Variants in MBD4 observed in about 807,000 individuals in gnomAD.
The protein encoded by MBD4 is methyl-CpG-binding domain protein 4.
Under a neutral mutation model 60.2 loss-of-function variants are expected in MBD4, and 53 were observed. That is an observed-to-expected ratio of 0.88 (90% CI 0.71 to 1.11). MBD4 has a LOEUF of 1.11. Ranked by LOEUF, MBD4 falls within the 50% of genes least tolerant of loss-of-function variation. The pLI is 0.00. For missense variants in MBD4, 619 were observed against 674.0 expected (o/e 0.92, Z 0.90); for synonymous variants, 231 against 229.8 (o/e 1.01, Z -0.05).
intron 3 of MBD4, among the ~76,000 whole-genome samples, chr3:129,434,509 T>C (rs2072420534): frequency 6.6e-6 from 1 of 152,244 alleles, no homozygotes; most frequent in Non-Finnish European, 1.5e-5. Flanking sequence ...AAAGGCAGTA[T>C]GGAATATTTT....
intron 1 of MBD4, 141 bp downstream of exon 1, chr3:129,439,589 A>C (rs2072672876): frequency 1.4e-6 from 1 of 711,018 alleles, no homozygotes; most frequent in Non-Finnish European, 2.6e-6. Flanking sequence ...CCTGGGCTCC[A>C]GACCCTAGTA....
At chr3:129,439,426 C>A (rs3138336) in intron 1 of MBD4, among the ~76,000 whole-genome samples, 1 of 152,128 alleles carries the variant, frequency 6.6e-6, no homozygotes, top group African/African-American at 2.4e-5. Context: ...TAAATCTTAA[C>A]CTCCTATCAC....
At chr3:129,433,738 G>C in intron 5 of MBD4, 112 bp downstream of exon 5, 1 of 1,254,110 alleles carries the variant, frequency 8.0e-7, no homozygotes, top group Admixed American at 1.7e-5. Flanking sequence ...AAGGGGGAAT[G>C]CCCTATCCCA....
intron 2 of MBD4, 73 bp from the exon 3 acceptor site, chr3:129,437,381 C>A: frequency 8.3e-7 from 1 of 1,210,502 alleles, no homozygotes; most frequent in Non-Finnish European, 1.2e-6. Context: ...GACCACATTT[C>A]AGATTTCTAA....
Position 129,433,224 on chromosome 3 carries a change from A to G in MBD4, c.1417T>C (p.Trp473Arg). 6.2e-7 allele frequency: 1 copy of G among 1,614,240 alleles called. No homozygotes were observed. Among genetic ancestry groups the G allele is most frequent in the Non-Finnish European group, 8.5e-7 (1 of 1,180,022 alleles). The change falls in exon 6 of 8, where the codon TGG (tryptophan) becomes CGG (arginine). Residue 473 changes from tryptophan to arginine, a missense_variant. Physicochemically the swap from Trp to Arg is moderately radical, Grantham distance 101 (BLOSUM62 -3). Coordinates refer to ENST00000429544, the MANE Select transcript of MBD4 (RefSeq NM_001276270.2). ...GAAGGATACTTCTCCAGAAACTTCC[A>G]AAGCACAGGTATTGCCATTTTGCCT... ...TSGKMAIPVL[W>R]KFLEKYPSAE...
intron 3 of MBD4, among the ~76,000 whole-genome samples, chr3:129,435,848 G>A (rs916893023): frequency 6.6e-6 from 1 of 152,086 alleles, no homozygotes; most frequent in Non-Finnish European, 1.5e-5. Context: ...TGTATTAAGA[G>A]CATATTACAA....
chr3:129,433,365 CA>C (rs933779691), intron 5 of MBD4, 118 bp from the exon 6 acceptor site: 1 of 1,084,672 alleles, frequency 9.2e-7, no homozygotes. Flanking sequence ...AAACAAAAAA[CA>C]AAAAAACACT....
chr3:129,432,949 T>C (rs1415647385), intron 6 of MBD4, 149 bp downstream of exon 6: 1 of 1,007,068 alleles, frequency 9.9e-7, no homozygotes, highest in Admixed American at 2.1e-5. Flanking sequence ...GACTGTGGTT[T>C]GGGGAAAGTG....
At chr3:129,436,007 G>A (rs1459981740) in intron 3 of MBD4, among the ~76,000 whole-genome samples, 4 of 152,156 alleles carry the variant, frequency 2.6e-5, no homozygotes, top group African/African-American at 7.2e-5. Context: ...GTATCAGGAG[G>A]GGTGTGAAGA....
Position 129,436,603 on chromosome 3 carries a change from C to T in MBD4, c.1041G>A (p.Lys347=). The T allele has an allele frequency of 1.2e-6, 2 of 1,614,136 alleles. No homozygotes were observed. The highest frequency in any genetic ancestry group is 1.7e-5 in the Admixed American group (1 of 60,014). Residue 347 remains lysine (K), a synonymous_variant, in exon 3 of 8, where the codon AAG becomes AAA. Transcript: ENST00000429544. ...CSAKDSEHNE[K]YEDTFLESEE... ...CAGATTCTAAAAAGGTATCCTCATACTTCTCGTTGTGTTCTGAGTCTTTGG... is the reference window on the plus strand; with the variant it reads ...CAGATTCTAAAAAGGTATCCTCATATTTCTCGTTGTGTTCTGAGTCTTTGG...
intron 7 of MBD4, chr3:129,432,217 C>A: frequency 7.0e-7 from 1 of 1,422,920 alleles, no homozygotes; most frequent in East Asian, 2.6e-5. Flanking sequence ...CCACGTCAGG[C>A]TTAGAGATAG....
chr3:129,434,448 TGACACTA>T (rs1257465704), intron 3 of MBD4, among the ~76,000 whole-genome samples: 1 of 152,224 alleles, frequency 6.6e-6, no homozygotes, highest in African/African-American at 2.4e-5. Flanking sequence ...AACCACTCTG[TGACACTA>T]GTTCTTTATG....
chr3:129,433,547 A>G lies in MBD4; in HGVS notation c.1394-300T>C, dbSNP rs895184875. ...TAGAAGCATATAGAACACAAGGTACATTCAGTGAAAAAGATACTTTTAAAC... is the reference window on the plus strand; with the variant it reads ...TAGAAGCATATAGAACACAAGGTACGTTCAGTGAAAAAGATACTTTTAAAC... On this transcript the variant is annotated intron_variant, in intron 5 of 7. Transcript: ENST00000429544. 3.1e-5 allele frequency: 18 copies of G among 579,252 alleles called. No homozygotes were observed. The East Asian group carries it at 5.0e-4, about 16-fold the overall frequency. 35.9% of individuals were successfully genotyped at this position (579,252 alleles called of 1,614,324 possible).
At chr3:129,436,315 A>C in intron 3 of MBD4, 146 bp downstream of exon 3, 25 of 834,306 alleles carry the variant, frequency 3.0e-5, no homozygotes, top group Middle Eastern at 2.8e-4. Flanking sequence ...ATCAACTGGT[A>C]TCTCATATTT....
At position 129,437,879 on chromosome 3, in the gene MBD4, C is replaced by T; in HGVS notation, c.176G>A (p.Ser59Asn). ...TTCTTGTAGCAAGGGATTACATTCACTGCTTCTTTTTATCATCATTTGTTC... is the reference window on the plus strand; with the variant it reads ...TTCTTGTAGCAAGGGATTACATTCATTGCTTCTTTTTATCATCATTTGTTC... ...DEEQMMIKRS[S>N]ECNPLLQEPI... is the part of the protein sequence containing the mutation. Residue 59 changes from serine (S) to asparagine (N), a missense_variant, in exon 2 of 8, where the codon AGT becomes AAT. By Grantham distance (46) the Ser-to-Asn change is conservative (BLOSUM62 1). Coordinates refer to ENST00000429544, the MANE Select transcript of MBD4 (RefSeq NM_001276270.2). The T allele has an allele frequency of 6.2e-7, 1 of 1,613,976 alleles. No homozygotes were observed. The highest frequency in any genetic ancestry group is 1.3e-5 in the African/African-American group (1 of 75,052).
In MBD4 at chr3:129,435,899, G is replaced by A. The variant is rs181795467; in HGVS notation, c.1183+562C>T. Among the ~76,000 whole-genome samples the A allele has an allele frequency of 4.6e-5, 7 of 152,214 alleles. No individual in the cohort carries two copies. In the East Asian group the frequency reaches 1.4e-3, roughly 29 times the overall value. On this transcript the variant is annotated intron_variant, in intron 3 of 7. Coordinates refer to ENST00000429544, the MANE Select transcript of MBD4 (RefSeq NM_001276270.2). ...TGTGATTATACTTTTGAATTATTTA[G>A]AGCTCTAAAGCATTTTAGAGAAGCA... is the stretch of plus-strand genomic sequence containing the variant.
chr3:129,437,735 T>C lies in MBD4; in HGVS notation c.320A>G (p.Asp107Gly). 6.2e-7 allele frequency: 1 copy of C among 1,613,378 alleles called. No individual in the cohort carries two copies. The highest frequency in any genetic ancestry group is 8.5e-7 in the Non-Finnish European group (1 of 1,179,270). ...RLFGKTAGRFDVYFISPQGLK... is the reference protein window; with the variant it reads ...RLFGKTAGRFGVYFISPQGLK... ...ATATGCTTACCTGATAAAGTACACA[T>C]CAAATCTTCCTGCTGTCTTCCCAAA... The change falls in exon 2 of 8, where the codon GAT becomes GGT. Residue 107 changes from aspartate to glycine, a missense_variant. Asp to Gly is a moderately conservative substitution (Grantham distance 94). Transcript: ENST00000429544.
intron 3 of MBD4, among the ~76,000 whole-genome samples, chr3:129,434,687 A>G (rs2072424274): frequency 6.6e-6 from 1 of 152,250 alleles, no homozygotes; most frequent in African/African-American, 2.4e-5. Context: ...GAATGAAATA[A>G]GCCAAAATGA....
At chr3:129,439,388 C>T (rs892264454) in intron 1 of MBD4, among the ~76,000 whole-genome samples, 8 of 152,124 alleles carry the variant, frequency 5.3e-5, no homozygotes, top group African/African-American at 1.4e-4. Flanking sequence ...CAAAGTAGTT[C>T]TTAGTATTAA....
Sources: gnomAD v4.1 joint callset for allele counts (sites outside exome capture counted in the v4.1 genomes callset) on GRCh38, gnomAD v4.1.1 for gene constraint, MANE v1.5 for transcripts, NCBI Gene and HGNC (gene_info 2026-07-23, HGNC 2026-07-21) for gene names.